FLNB: variants seen among roughly 807,000 people sequenced by gnomAD.
The protein encoded by FLNB is filamin-B.
In FLNB, 111 loss-of-function variants were observed where a neutral mutation model predicts 250.6. The observed-to-expected ratio is 0.44, with a 90% CI of 0.38 to 0.52. The LOEUF is 0.52. Among genes scored for constraint, FLNB ranks in the 20% least tolerant of loss-of-function variants. The probability of loss-of-function intolerance (pLI) is 0.00; values close to 1 mark genes in which losing one functional copy is unlikely to be tolerated. For synonymous variants in FLNB, 1,302 were observed against 1,372.1 expected (o/e 0.95, Z 1.13); for missense variants, 2,869 against 3,447.8 (o/e 0.83, Z 4.20).
Position 58,125,689 on chromosome 3 carries a change from C to A in FLNB, c.4007C>A (p.Pro1336His). Reference protein sequence around the residue: ...CQPSRVQAQGPGLKEAFTNKP... With the variant: ...CQPSRVQAQGHGLKEAFTNKP... The stretch of plus-strand genomic sequence containing the variant: ...CCATCTAGGGTGCAAGCCCAAGGAC[C>A]TGGATTGAAAGAGGCCTTTACCAAC... The change falls in exon 23 of 46, where the codon CCT becomes CAT. Residue 1336 changes from proline to histidine, a missense_variant. This residue lies in a region of FLNB where 1,348 missense variants were observed against 1,466.7 expected (regional missense o/e 0.92). Transcript: ENST00000295956. 1 of 1,614,162 alleles carries A rather than the reference C, an allele frequency of 6.2e-7. No homozygotes were observed. Among genetic ancestry groups the A allele is most frequent in the East Asian group, 2.2e-5 (1 of 44,874 alleles).
chr3:58,089,223 A>T (rs910593390), intron 4 of FLNB, among the ~76,000 whole-genome samples: 18 of 152,140 alleles, frequency 1.2e-4, no homozygotes, highest in African/African-American at 4.1e-4. Context: ...TATGACAAAA[A>T]TTTTAAAGCA....
chr3:58,039,342 T>G (rs1385949730), intron 1 of FLNB, among the ~76,000 whole-genome samples: 1 of 151,634 alleles, frequency 6.6e-6, no homozygotes, highest in Non-Finnish European at 1.5e-5. Flanking sequence ...GAAAAGTGAT[T>G]CCAGTCTTGA....
intron 27 of FLNB, among the ~76,000 whole-genome samples, chr3:58,135,468 G>T (rs2097314400): frequency 6.6e-6 from 1 of 152,150 alleles, no homozygotes; most frequent in South Asian, 2.1e-4. Flanking sequence ...GGGAAAAAGG[G>T]GTCCTCCCAG....
In FLNB at chr3:58,169,441, A is replaced by T; in HGVS notation, c.7418-149A>T. The stretch of plus-strand genomic sequence containing the variant: ...GGATCCTAGGGGTTTAGAAGACATT[A>T]TGGGTGTGAGATACAGGTGTGGTGG... On this transcript the variant is annotated intron_variant, in intron 44 of 45. Coordinates refer to ENST00000295956, the MANE Select transcript of FLNB (RefSeq NM_001457.4). The surrounding 1 kb of genome is among the most constrained non-coding windows in gnomAD (Gnocchi z 4.8). The T allele has an allele frequency of 1.4e-6, 1 of 708,860 alleles. No homozygotes were observed. Among genetic ancestry groups the T allele is most frequent in the Non-Finnish European group, 2.6e-6 (1 of 386,708 alleles). The allele number at this position is 708,860 out of a possible 1,614,324, so 43.9% of individuals were successfully genotyped here. A position where few individuals can be genotyped will look rare whatever the true frequency, so the allele number is the denominator to read the frequency against.
At position 58,042,738 on chromosome 3, in the gene FLNB, C is replaced by T. The variant is rs537418332; in HGVS notation, c.292+33882C>T. Among the ~76,000 whole-genome samples, 7 of 152,100 alleles carry T rather than the reference C, an allele frequency of 4.6e-5. No individual in the cohort carries two copies. In the South Asian group the frequency reaches 6.2e-4, roughly 14 times the overall value. On this transcript the variant is annotated intron_variant, in intron 1 of 45. Transcript: ENST00000295956. ...TTTGCCATGTTGCCCAGGCTGGTCT[C>T]GAACTCCTGGGGTCAAGTTATACTC...
chr3:58,139,810 A>G (rs1034640883), intron 29 of FLNB, among the ~76,000 whole-genome samples: 15 of 152,200 alleles, frequency 9.9e-5, no homozygotes, highest in Non-Finnish European at 2.2e-4. Flanking sequence ...AGGAGGGAAG[A>G]GCAGCCAAGC....
At chr3:58,133,065 A>G (rs546839734) in intron 26 of FLNB, 134 bp downstream of exon 26, 134 of 995,672 alleles carry the variant, frequency 1.3e-4, no homozygotes, top group Non-Finnish European at 2.0e-4. Flanking sequence ...CCATCAGTCC[A>G]TCCATCCACC....
chr3:58,165,712 G>C (rs2097369153), intron 43 of FLNB: 1 of 152,208 alleles, frequency 6.6e-6, no homozygotes, highest in African/African-American at 2.4e-5. Flanking sequence ...AGACCAGGGA[G>C]CTCCAGATTC....
Position 58,142,562 on chromosome 3 carries a change from T to C in FLNB, c.5182-88T>C. On this transcript the variant is annotated intron_variant, in intron 30 of 45. Coordinates refer to ENST00000295956, the MANE Select transcript of FLNB (RefSeq NM_001457.4). The surrounding 1 kb of genome is among the most constrained non-coding windows in gnomAD (Gnocchi z 4.3). ...CCCAAATCCCGGCCTCACTGGCTTG[T>C]AGAATTCCCAGCAGCTCTAACCCCT... 2.6e-6 allele frequency: 3 copies of C among 1,159,542 alleles called. No homozygotes were observed. Among genetic ancestry groups the C allele is most frequent in the Non-Finnish European group, 3.8e-6 (3 of 781,656 alleles). The allele number at this position is 1,159,542 out of a possible 1,614,324, so 71.8% of individuals were successfully genotyped here. A position where few individuals can be genotyped will look rare whatever the true frequency, so the allele number is the denominator to read the frequency against.
In FLNB at chr3:58,103,965, T is replaced by G; in HGVS notation, c.1490T>G (p.Leu497Arg). The G allele has an allele frequency of 1.9e-6, 3 of 1,614,134 alleles. No individual in the cohort carries two copies. Among genetic ancestry groups the G allele is most frequent in the Non-Finnish European group, 2.5e-6 (3 of 1,180,020 alleles). The part of the protein sequence containing the change: ...LGVTMKGPKG[L>R]EELVKQKDFL... The stretch of plus-strand genomic sequence containing the variant: ...ATCTCCTTCCTTCCCACAGAGGGTC[T>G]GGAGGAGCTGGTGAAGCAGAAAGAC... Residue 497 changes from leucine (L) to arginine (R), a missense_variant, in exon 10 of 46, where the codon CTG becomes CGG. Leu to Arg is a moderately radical substitution (Grantham distance 102, BLOSUM62 -2). Transcript: ENST00000295956.
At chr3:58,090,289 C>G (rs956807776) in intron 4 of FLNB, among the ~76,000 whole-genome samples, 1 of 152,142 alleles carries the variant, frequency 6.6e-6, no homozygotes, top group African/African-American at 2.4e-5. Context: ...GAACCGCCGT[C>G]TCCTATAATA....
At chr3:58,056,292 G>T (rs1321809270) in intron 1 of FLNB, among the ~76,000 whole-genome samples, 1 of 151,456 alleles carries the variant, frequency 6.6e-6, no homozygotes, top group Non-Finnish European at 1.5e-5. Flanking sequence ...AATAGAGGTG[G>T]GGGTTTCACC....
At chr3:58,121,932 G>GA (rs2097289361) in intron 20 of FLNB, among the ~76,000 whole-genome samples, 1 of 152,236 alleles carries the variant, frequency 6.6e-6, no homozygotes, top group South Asian at 2.1e-4. Flanking sequence ...CACTTTGGGA[G>GA]GCCGAGGCGG....
rs55916881 is a variant in FLNB, at chr3:58,133,437, GAAAAAAAAAAAAAA to G, written c.4514+521_4514+534del. On this transcript the variant is annotated intron_variant, in intron 26 of 45. Coordinates refer to ENST00000295956, the MANE Select transcript of FLNB (RefSeq NM_001457.4). ...CATAGACCCTCCCCTGACATCTCTG[GAAAAAAAAAAAAAA>G]AAAAAAAAAAAAAAGCAATAGTAGT... is the stretch of plus-strand genomic sequence containing the variant. Among the ~76,000 whole-genome samples the G allele has an allele frequency of 6.5e-3, 441 of 67,618 alleles. 3 individuals are homozygous for G. The highest frequency in any genetic ancestry group is 0.026 in the Middle Eastern group (3 of 116). The allele number at this position is 67,618 out of a possible 152,430, so 44.4% of individuals were successfully genotyped here.
At chr3:58,046,625 T>G (rs560940405) in intron 1 of FLNB, among the ~76,000 whole-genome samples, 8 of 152,236 alleles carry the variant, frequency 5.3e-5, no homozygotes, top group Admixed American at 1.3e-4. Flanking sequence ...AATTTTTGTA[T>G]TTTTAGTAGA....
intron 12 of FLNB, 39 bp downstream of exon 12, chr3:58,106,912 C>G: frequency 6.4e-7 from 1 of 1,573,650 alleles, no homozygotes; most frequent in Non-Finnish European, 8.7e-7. Flanking sequence ...TTGTCCCTGG[C>G]CCCTGGTTCC....
Position 58,097,892 on chromosome 3 carries a change from C to T in FLNB, c.1062C>T (p.Ala354=). The T allele has an allele frequency of 6.2e-7, 1 of 1,614,084 alleles. No homozygotes were observed. The change falls in exon 7 of 46, where the codon GCC becomes GCT. Residue 354 remains alanine (A), a synonymous_variant. Coordinates refer to ENST00000295956, the MANE Select transcript of FLNB (RefSeq NM_001457.4). The part of the protein sequence containing the change: ...EVSVDKAQGD[A]SKVTAKGPGL... The stretch of plus-strand genomic sequence containing the variant: ...GTGTTGACAAGGCCCAGGGAGATGC[C>T]AGTAAAGTCACTGCAAAAGGTCCAG...
Position 58,130,852 on chromosome 3 carries a change from T to C in FLNB, c.4334T>C (p.Val1445Ala). ...VRARVLQSFT[V>A]DSSKAGLAPL... ...GCCCGTGTCCTGCAGTCCTTCACGG[T>C]GGACAGCAGCAAGGCTGGCCTGGCT... Residue 1445 changes from valine to alanine, a missense_variant, in exon 25 of 46, where the codon GTG becomes GCG. By Grantham distance (64) the Val-to-Ala change is moderately conservative. Coordinates refer to ENST00000295956, the MANE Select transcript of FLNB (RefSeq NM_001457.4). 6.2e-7 allele frequency: 1 copy of C among 1,613,372 alleles called. No individual in the cohort carries two copies. Among genetic ancestry groups the C allele is most frequent in the Non-Finnish European group, 8.5e-7 (1 of 1,179,808 alleles).
At chr3:58,111,587 T>C (rs1359843155) in intron 16 of FLNB, among the ~76,000 whole-genome samples, 1 of 152,188 alleles carries the variant, frequency 6.6e-6, no homozygotes, top group African/African-American at 2.4e-5. Flanking sequence ...ATCCAGGCAT[T>C]AGAGAGTGAC....
Sources: gnomAD v4.1 joint callset for allele counts (sites outside exome capture counted in the v4.1 genomes callset) on GRCh38, gnomAD v4.1.1 for gene constraint, gnomAD v4.1.1 regional missense constraint, Gnocchi (gnomAD v3.1) non-coding constraint, MANE v1.5 for transcripts, NCBI Gene and HGNC (gene_info 2026-07-23, HGNC 2026-07-21) for gene names.